Variants in PDE4DIP observed in about 807,000 individuals in gnomAD.
The protein encoded by PDE4DIP is phosphodiesterase 4D interacting protein.
A neutral mutation model predicts 221.4 loss-of-function variants in PDE4DIP; 59 were observed. That is an observed-to-expected ratio of 0.27 (90% CI 0.22 to 0.33). The LOEUF (loss-of-function observed/expected upper bound fraction) is 0.33, where lower values mean the gene tolerates loss of function less well. PDE4DIP is among the 10% of genes least tolerant of loss of function. The probability of loss-of-function intolerance (pLI) is 1.00; values close to 1 mark genes in which losing one functional copy is unlikely to be tolerated. For missense variants in PDE4DIP, 1,036 were observed against 2,154.2 expected, an observed-to-expected ratio of 0.48 and a Z score of 10.28; for synonymous variants, 404 against 815.9, an observed-to-expected ratio of 0.50 and a Z score of 8.60.
At chr1:148,925,932 C>CA (rs2046610940) in intron 1 of PDE4DIP, among the ~76,000 whole-genome samples, 1 of 151,316 alleles carries the variant, frequency 6.6e-6, no homozygotes, top group Non-Finnish European at 1.5e-5. Flanking sequence ...TAGTGCCTCT[C>CA]ACTTTCCCTG....
intron 32 of PDE4DIP, among the ~76,000 whole-genome samples, chr1:149,013,853 T>C (rs2069466207): frequency 7.0e-6 from 1 of 142,136 alleles, no homozygotes; most frequent in Admixed American, 7.4e-5. Flanking sequence ...AGTGGCACGA[T>C]CTCGGCTCAC....
intron 5 of PDE4DIP, among the ~76,000 whole-genome samples, chr1:148,940,440 G>A (rs587739021): frequency 5.9e-5 from 9 of 152,046 alleles, no homozygotes; most frequent in East Asian, 3.9e-4. Flanking sequence ...GATACATTGC[G>A]CTGTTTGTTC....
At chr1:148,980,371 A>C (rs2060882466) in intron 20 of PDE4DIP, among the ~76,000 whole-genome samples, 1 of 152,190 alleles carries the variant, frequency 6.6e-6, no homozygotes, top group Non-Finnish European at 1.5e-5. Context: ...CATCCTGGGC[A>C]ACAGAGCGAG....
intron 21 of PDE4DIP, chr1:148,983,917 T>TAAA (rs1238186840): frequency 6.6e-6 from 1 of 152,092 alleles, no homozygotes; most frequent in African/African-American, 2.4e-5. Flanking sequence ...GCTTCCCTTT[T>TAAA]GAATAATAGC....
intron 5 of PDE4DIP, among the ~76,000 whole-genome samples, chr1:148,940,373 T>C (rs1374788985): frequency 6.6e-6 from 1 of 152,198 alleles, no homozygotes; most frequent in Non-Finnish European, 1.5e-5. Context: ...TTTTTAAACA[T>C]TGCCTAATAA....
chr1:148,999,510 C>T (rs1453889899), intron 23 of PDE4DIP, among the ~76,000 whole-genome samples: 2 of 152,216 alleles, frequency 1.3e-5, no homozygotes, highest in African/African-American at 2.4e-5. Context: ...CAATTTCTAA[C>T]GTCTAAACCT....
At chr1:148,987,680 A>G (rs2062155151) in intron 21 of PDE4DIP, among the ~76,000 whole-genome samples, 2 of 152,192 alleles carry the variant, frequency 1.3e-5, no homozygotes, top group African/African-American at 4.8e-5. Flanking sequence ...TTTTCTGTTT[A>G]TCCCATATTA....
chr1:148,980,265 G>A (rs1429203917), intron 20 of PDE4DIP, among the ~76,000 whole-genome samples: 24 of 152,088 alleles, frequency 1.6e-4, no homozygotes, highest in Non-Finnish European at 1.2e-4. Flanking sequence ...GGTAGCGCGC[G>A]CCTGTAGTCC....
intron 21 of PDE4DIP, among the ~76,000 whole-genome samples, chr1:148,989,659 A>G (rs1429819676): frequency 6.6e-6 from 1 of 152,176 alleles, no homozygotes; most frequent in Non-Finnish European, 1.5e-5. Context: ...GCTTTCTTCA[A>G]CTACAGGATC....
chr1:148,983,557 G>A (rs1206485192), intron 21 of PDE4DIP: 2 of 152,486 alleles, frequency 1.3e-5, no homozygotes, highest in Non-Finnish European at 2.9e-5. Context: ...AACTTTGTGT[G>A]ATAATTTGGC....
intron 32 of PDE4DIP, among the ~76,000 whole-genome samples, chr1:149,013,183 G>A (rs1747956): frequency 2.0e-4 from 31 of 152,342 alleles, no homozygotes; most frequent in African/African-American, 6.3e-4. Context: ...TGGCTATTAT[G>A]TTTTTCTGCT....
chr1:148,911,974 G>C (rs1342074548), intron 1 of PDE4DIP, among the ~76,000 whole-genome samples: 1 of 147,288 alleles, frequency 6.8e-6, no homozygotes, highest in African/African-American at 2.6e-5. Context: ...ATATTCTATT[G>C]GTTAGAAATA....
chr1:148,991,326 ATT>A (rs1213818090), intron 21 of PDE4DIP, among the ~76,000 whole-genome samples: 2 of 151,974 alleles, frequency 1.3e-5, no homozygotes, highest in Non-Finnish European at 2.9e-5. Flanking sequence ...AGAGGAAGAA[ATT>A]AGGGAACAAC....
At chr1:149,029,856 A>G in exon 42 of PDE4DIP, 1 of 1,608,978 alleles carries the variant, frequency 6.2e-7, no homozygotes, top group South Asian at 1.1e-5. Context: ...ACTCCTTCAG[A>G]GCACAACTGA....
exon 7 of PDE4DIP, chr1:148,961,845 A>G (rs782134285): frequency 8.0e-6 from 12 of 1,501,040 alleles, no homozygotes; most frequent in East Asian, 2.3e-5. Context: ...AGATTCTTCA[A>G]GAGAAACTTA....
At position 149,019,640 on chromosome 1, in the gene PDE4DIP, G is replaced by T. The variant is rs587691908; in HGVS notation, c.5771-507G>T. ...TGAGAAGACAGTAAGAGATTTAAAC[G>T]AGTACAATTTGCCAGGCTCAGGTGA... On this transcript the variant is annotated intron_variant, in intron 35 of 43. Transcript: ENST00000369354. The T allele has an allele frequency of 1.5e-3, 234 of 152,838 alleles. 1 individual carries two copies. Among genetic ancestry groups the T allele is most frequent in the Non-Finnish European group, 2.2e-3 (153 of 68,498 alleles). The allele number at this position is 152,838 out of a possible 1,614,324, so 9.5% of individuals were successfully genotyped here. A position where few individuals can be genotyped will look rare whatever the true frequency, so the allele number is the denominator to read the frequency against.
chr1:148,893,535 G>C (rs1419037590), intron 1 of PDE4DIP, among the ~76,000 whole-genome samples: 1 of 89,690 alleles, frequency 1.1e-5, no homozygotes, highest in Non-Finnish European at 2.2e-5. Context: ...AGTAGTTATA[G>C]TTATTATAAA....
intron 1 of PDE4DIP, among the ~76,000 whole-genome samples, chr1:148,898,960 T>C (rs2040048683): frequency 9.4e-6 from 1 of 106,494 alleles, no homozygotes; most frequent in African/African-American, 4.2e-5. Flanking sequence ...GCCTCCCAAG[T>C]AGCTGGGATT....
chr1:148,914,735 GA>G (rs2043493446), intron 1 of PDE4DIP, among the ~76,000 whole-genome samples: 1 of 145,378 alleles, frequency 6.9e-6, no homozygotes, highest in African/African-American at 2.6e-5. Context: ...GTGGGTTTAA[GA>G]AACAATGTGA....
Sources: allele counts gnomAD v4.1 joint callset (sites outside exome capture counted in the v4.1 genomes callset), GRCh38; gene constraint gnomAD v4.1.1; transcripts MANE v1.5; gene names NCBI Gene and HGNC (gene_info 2026-07-23, HGNC 2026-07-21).